The following ATP10A variants were observed in gnomAD, a reference collection of about 807,000 sequenced individuals.
The protein encoded by ATP10A is phospholipid-transporting ATPase VA.
In ATP10A, 111 loss-of-function variants were observed where a neutral mutation model predicts 147.8. That is an observed-to-expected ratio of 0.75 (90% CI 0.64 to 0.88). The LOEUF (loss-of-function observed/expected upper bound fraction) is 0.88, where lower values mean the gene tolerates loss of function less well. Ranked by LOEUF, ATP10A falls within the 40% of genes least tolerant of loss-of-function variation. The probability of loss-of-function intolerance (pLI) is 0.00; values close to 1 mark genes in which losing one functional copy is unlikely to be tolerated. For missense variants in ATP10A, 1,927 were observed against 1,959.0 expected (o/e 0.98, Z 0.31); for synonymous variants, 875 against 841.6 (o/e 1.04, Z -0.69).
intron 1 of ATP10A, among the ~76,000 whole-genome samples, chr15:25,784,891 C>T (rs992835131): frequency 3.3e-5 from 5 of 150,398 alleles, no homozygotes; most frequent in African/African-American, 1.2e-4. Context: ...CACTGCACTC[C>T]AGCCTGGGTG....
chr15:25,789,928 G>A (rs547436261), intron 1 of ATP10A, among the ~76,000 whole-genome samples: 20 of 152,200 alleles, frequency 1.3e-4, no homozygotes, highest in Admixed American at 3.9e-4. Context: ...GTGCAAAATC[G>A]CTCCCGGTTG....
chr15:25,830,328 AG>A (rs1424621260), intron 1 of ATP10A, among the ~76,000 whole-genome samples: 1 of 152,148 alleles, frequency 6.6e-6, no homozygotes, highest in Non-Finnish European at 1.5e-5. Context: ...AGTCACTGAA[AG>A]GGGTGGAAGT....
intron 4 of ATP10A, 50 bp from the exon 5 acceptor site, chr15:25,726,132 G>C: frequency 6.3e-7 from 1 of 1,590,340 alleles, no homozygotes; most frequent in Non-Finnish European, 8.6e-7. Context: ...GGAGCTAAGG[G>C]ACCAGCTGCA....
chr15:25,826,132 AACAG>A (rs1373534147), intron 1 of ATP10A, among the ~76,000 whole-genome samples: 1 of 152,212 alleles, frequency 6.6e-6, no homozygotes, highest in African/African-American at 2.4e-5. Context: ...CAGTATGATA[AACAG>A]ACAGAAAAAA....
At chr15:25,690,490 T>C (rs1173436882) in intron 15 of ATP10A, among the ~76,000 whole-genome samples, 1 of 152,220 alleles carries the variant, frequency 6.6e-6, no homozygotes, top group African/African-American at 2.4e-5. Context: ...TCCTCCTGTC[T>C]TGTCCTTCCA....
At chr15:25,800,097 G>A (rs1890866434) in intron 1 of ATP10A, among the ~76,000 whole-genome samples, 1 of 152,226 alleles carries the variant, frequency 6.6e-6, no homozygotes. Context: ...CTCACATCAA[G>A]TGCAAAACGC....
chr15:25,794,501 C>T (rs1890574952), intron 1 of ATP10A, among the ~76,000 whole-genome samples: 1 of 152,154 alleles, frequency 6.6e-6, no homozygotes. Context: ...ACAAACACTG[C>T]CCCGTCTTGG....
intron 19 of ATP10A, among the ~76,000 whole-genome samples, 178 bp downstream of exon 19, chr15:25,680,632 C>A (rs187042354): frequency 6.6e-6 from 1 of 152,102 alleles, no homozygotes; most frequent in Non-Finnish European, 1.5e-5. Flanking sequence ...CAGGCTGCAG[C>A]GGCTCCCCAC....
chr15:25,703,245 C>G (rs537037644), intron 12 of ATP10A, among the ~76,000 whole-genome samples: 1 of 152,302 alleles, frequency 6.6e-6, no homozygotes, highest in African/African-American at 2.4e-5. Context: ...GTAATCCCAG[C>G]TGCTCGGGAG....
In ATP10A at chr15:25,786,648, C is replaced by T. The variant is rs1284828570; in HGVS notation, c.450-5425G>A. ...TTTTTTTTTTTTTTTTTTTTTGAGG[C>T]GGAGTCTCGCTCCATCCCTCAGGCT... On this transcript the variant is annotated intron_variant, in intron 1 of 20. Transcript: ENST00000555815. 5.6e-5 allele frequency among the ~76,000 whole-genome samples: 4 copies of T among 71,922 alleles called. No homozygotes were observed. In the East Asian group the frequency reaches 1.5e-3, roughly 26 times the overall value. 47.2% of individuals were successfully genotyped at this position (71,922 alleles called of 152,430 possible). A position where few individuals can be genotyped will look rare whatever the true frequency, so the allele number is the denominator to read the frequency against.
At chr15:25,792,183 A>G (rs1476831397) in intron 1 of ATP10A, among the ~76,000 whole-genome samples, 1 of 152,216 alleles carries the variant, frequency 6.6e-6, no homozygotes, top group African/African-American at 2.4e-5. Flanking sequence ...TGGGCTTATT[A>G]GGTTCCATTA....
At chr15:25,680,387 C>T (rs1212061762) in intron 19 of ATP10A, 79 bp from the exon 20 acceptor site, 2 of 1,433,052 alleles carry the variant, frequency 1.4e-6, no homozygotes, top group Non-Finnish European at 1.9e-6. Context: ...ACGTGCCAGT[C>T]ATCAATGAGC....
chr15:25,773,017 C>T (rs1317807113), intron 2 of ATP10A, among the ~76,000 whole-genome samples: 5 of 152,146 alleles, frequency 3.3e-5, no homozygotes, highest in East Asian at 1.9e-4. Flanking sequence ...GAATTAATTT[C>T]GACACTAAAC....
chr15:25,734,152 C>T (rs962696491), intron 3 of ATP10A, among the ~76,000 whole-genome samples: 11 of 152,132 alleles, frequency 7.2e-5, no homozygotes, highest in Admixed American at 2.0e-4. Context: ...ATGCTCCTCC[C>T]GTCTCCTGCA....
intron 4 of ATP10A, among the ~76,000 whole-genome samples, 187 bp downstream of exon 4, chr15:25,726,973 C>T (rs1480512180): frequency 9.5e-5 from 14 of 147,930 alleles, no homozygotes; most frequent in South Asian, 8.6e-4. Context: ...AGGAGAATGG[C>T]GTGAACCCGG....
At chr15:25,796,919 TACATGTATAC>T (rs1255643871) in intron 1 of ATP10A, among the ~76,000 whole-genome samples, 1 of 152,260 alleles carries the variant, frequency 6.6e-6, no homozygotes, top group African/African-American at 2.4e-5. Flanking sequence ...CATGTTTTGA[TACATGTATAC>T]ACTGTGGTAT....
Position 25,757,689 on chromosome 15 carries a change from T to G in ATP10A, c.655-21548A>C, listed in dbSNP as rs182392438. On this transcript the variant is annotated intron_variant, in intron 2 of 20. Transcript: ENST00000555815. ...TAATTTCTTTCTTTTGCATGAGAGATAACTTTGTGTGGTCAAAATTGTTAG... is the reference window on the plus strand; with the variant it reads ...TAATTTCTTTCTTTTGCATGAGAGAGAACTTTGTGTGGTCAAAATTGTTAG... 4.0e-3 allele frequency among the ~76,000 whole-genome samples: 612 copies of G among 152,334 alleles called. 6 individuals carry two copies. The highest frequency in any genetic ancestry group is 0.014 in the African/African-American group (584 of 41,584).
At position 25,708,154 on chromosome 15, in the gene ATP10A, C is replaced by A. The variant is rs749819843; in HGVS notation, c.2448+43G>T. The A allele has an allele frequency of 3.7e-6, 6 of 1,613,228 alleles. No homozygotes were observed. The African/African-American group carries it at 6.7e-5, about 18-fold the overall frequency. On this transcript the variant is annotated intron_variant, in intron 11 of 20. Coordinates refer to ENST00000555815, the MANE Select transcript of ATP10A (RefSeq NM_024490.4). ...GCACCGGGCGCTGCTCACTGTGGGG[C>A]GGCCACCTGCACGTGCACCCTCGCG...
intron 1 of ATP10A, among the ~76,000 whole-genome samples, chr15:25,838,071 T>A (rs1184548116): frequency 6.6e-6 from 1 of 152,216 alleles, no homozygotes; most frequent in East Asian, 1.9e-4. Flanking sequence ...TCAACTTTAA[T>A]ACATTTCATT....
Sources: allele counts gnomAD v4.1 joint callset (sites outside exome capture counted in the v4.1 genomes callset), GRCh38; gene constraint gnomAD v4.1.1; transcripts MANE v1.5; gene names NCBI Gene and HGNC (gene_info 2026-07-23, HGNC 2026-07-21).